Variants in UGT2B7 observed in about 807,000 individuals in gnomAD.
The protein encoded by UGT2B7 is UDP glucuronosyltransferase family 2 member B7.
UGT2B7 carries 51 observed loss-of-function variants against 51.9 expected under a neutral mutation model. That is an observed-to-expected ratio of 0.98 (90% confidence interval 0.78 to 1.24). The LOEUF (loss-of-function observed/expected upper bound fraction) is 1.24. Ranked by LOEUF, UGT2B7 falls within the 50% of genes most tolerant of loss-of-function variation. UGT2B7 has a pLI of 0.00. For missense variants in UGT2B7, 727 were observed against 628.4 expected (o/e 1.16, Z -1.68); for synonymous variants, 225 against 211.6 (o/e 1.06, Z -0.55).
intron 1 of UGT2B7, among the ~76,000 whole-genome samples, chr4:69,074,530 A>T (rs1391438717): frequency 6.6e-6 from 1 of 150,918 alleles, no homozygotes; most frequent in Admixed American, 6.6e-5. Flanking sequence ...GTCACTGGTT[A>T]TTTCCTCATA....
At chr4:69,070,997 A>C (rs4694603) in intron 1 of UGT2B7, among the ~76,000 whole-genome samples, 93,306 of 152,030 alleles carry the variant, frequency 0.61, 30,169 homozygotes, top group African/African-American at 0.81. Context: ...AACTATGCAA[A>C]CTAGTAAAAT....
intron 1 of UGT2B7, among the ~76,000 whole-genome samples, chr4:69,074,082 C>T (rs1446039405): frequency 6.6e-6 from 1 of 152,126 alleles, no homozygotes; most frequent in Non-Finnish European, 1.5e-5. Context: ...TGGTGGTTCA[C>T]ATCTGTAGTC....
chr4:69,098,779 C>G (rs1719328906), intron 2 of UGT2B7, 91 bp downstream of exon 2: 1 of 1,564,632 alleles, frequency 6.4e-7, no homozygotes, highest in Non-Finnish European at 8.6e-7. Context: ...TTGACTTACA[C>G]TGAAAGAAAG....
intron 5 of UGT2B7, among the ~76,000 whole-genome samples, chr4:69,108,912 G>T (rs1010426332): frequency 6.6e-6 from 1 of 151,928 alleles, no homozygotes; most frequent in Non-Finnish European, 1.5e-5. Context: ...TCCTATGACC[G>T]CTTAGCCCTG....
chr4:69,092,879 A>G (rs1046676806), upstream of UGT2B7, among the ~76,000 whole-genome samples: 11 of 152,028 alleles, frequency 7.2e-5, no homozygotes, highest in Non-Finnish European at 1.5e-4. Flanking sequence ...ATTTCTTAAA[A>G]TAGTTACACT....
intron 5 of UGT2B7, among the ~76,000 whole-genome samples, 157 bp from the exon 6 acceptor site, chr4:69,112,300 G>T (rs1266548893): frequency 3.3e-5 from 5 of 152,134 alleles, no homozygotes; most frequent in Non-Finnish European, 7.4e-5. Context: ...GCCCTTAAAA[G>T]GGACAGGAAT....
intron 2 of UGT2B7, among the ~76,000 whole-genome samples, chr4:69,101,178 A>G (rs1719408393): frequency 6.6e-6 from 1 of 152,100 alleles, no homozygotes; most frequent in Non-Finnish European, 1.5e-5. Context: ...TAACAAGATG[A>G]CAAGTTTTTG....
In UGT2B7 at chr4:69,112,837, A is replaced by C; in HGVS notation, c.*101A>C. 1 of 296,714 alleles carries C rather than the reference A, an allele frequency of 3.4e-6. No homozygotes were observed. The highest frequency in any genetic ancestry group is 4.4e-6 in the Non-Finnish European group (1 of 228,786). The allele number at this position is 296,714 out of a possible 1,614,324, so 18.4% of individuals were successfully genotyped here. A position where few individuals can be genotyped will look rare whatever the true frequency, so the allele number is the denominator to read the frequency against. On this transcript the variant is annotated 3_prime_UTR_variant, in exon 6 of 6. Transcript: ENST00000305231. ...TGCAAGATTTCTTTCTTCCTGAGAC[A>C]AAAAAAAAAAAAGAAAAAAAAATCT...
intron 1 of UGT2B7, among the ~76,000 whole-genome samples, chr4:69,054,121 C>A (rs1718117210): frequency 6.6e-6 from 1 of 151,680 alleles, no homozygotes; most frequent in Admixed American, 6.6e-5. Context: ...CTATTACAAC[C>A]AACAGCAAAG....
At chr4:69,093,003 G>T (rs1014548687), upstream of UGT2B7, among the ~76,000 whole-genome samples, 30 of 151,120 alleles carry the variant, frequency 2.0e-4, no homozygotes, top group Admixed American at 1.4e-3. Flanking sequence ...TGGAAGATTT[G>T]GAAGACATAT....
At chr4:69,081,745 A>G (rs7680709) in intron 1 of UGT2B7, among the ~76,000 whole-genome samples, 87,660 of 151,926 alleles carry the variant, frequency 0.58, 26,296 homozygotes, top group African/African-American at 0.71. Flanking sequence ...TGATTGCTCC[A>G]TAGATGGATA....
At chr4:69,058,667 T>A (rs771212185) in intron 1 of UGT2B7, among the ~76,000 whole-genome samples, 1 of 151,244 alleles carries the variant, frequency 6.6e-6, no homozygotes, top group Non-Finnish European at 1.5e-5. Flanking sequence ...CAGGGGGATA[T>A]CAGGCAAAAA....
At chr4:69,086,462 G>A (rs1204337845) in intron 1 of UGT2B7, among the ~76,000 whole-genome samples, 3 of 151,860 alleles carry the variant, frequency 2.0e-5, no homozygotes, top group South Asian at 2.1e-4. Context: ...CTGTTGGATG[G>A]AATGTTCTGT....
chr4:69,079,249 G>C (rs1416573667), intron 1 of UGT2B7, among the ~76,000 whole-genome samples: 2 of 152,170 alleles, frequency 1.3e-5, no homozygotes, highest in African/African-American at 2.4e-5. Flanking sequence ...AGACAGAAGT[G>C]AGACTGCTGG....
intron 1 of UGT2B7, chr4:69,067,416 C>T (rs1427195342): frequency 6.3e-6 from 1 of 158,884 alleles, no homozygotes; most frequent in Non-Finnish European, 1.5e-5. Flanking sequence ...ATCCACAAAC[C>T]AAAGCTTTTA....
upstream of UGT2B7, among the ~76,000 whole-genome samples, chr4:69,094,456 A>G (rs1719166534): frequency 6.6e-6 from 1 of 151,964 alleles, no homozygotes. Context: ...CCGGTTTCTA[A>G]GGCATATAAA....
intron 1 of UGT2B7, among the ~76,000 whole-genome samples, chr4:69,084,936 G>T (rs1718916241): frequency 6.6e-6 from 1 of 152,134 alleles, no homozygotes; most frequent in Admixed American, 6.5e-5. Flanking sequence ...AAATACTTGT[G>T]CATGTGTCTT....
chr4:69,071,281 T>C (rs4400061), intron 1 of UGT2B7, among the ~76,000 whole-genome samples: 65,186 of 151,854 alleles, frequency 0.43, 15,543 homozygotes, highest in African/African-American at 0.64. Flanking sequence ...CACTTTAATA[T>C]CTGGAATACT....
intron 1 of UGT2B7, among the ~76,000 whole-genome samples, chr4:69,088,641 G>A (rs2109878002): frequency 6.6e-6 from 1 of 152,106 alleles, no homozygotes; most frequent in East Asian, 1.9e-4. Flanking sequence ...GGCCCCTGCA[G>A]TGTTATGGAA....
Sources: gnomAD v4.1 joint callset for allele counts (sites outside exome capture counted in the v4.1 genomes callset) on GRCh38, gnomAD v4.1.1 for gene constraint, MANE v1.5 for transcripts, NCBI Gene and HGNC (gene_info 2026-07-23, HGNC 2026-07-21) for gene names.